The following CFAP161 variants were observed in gnomAD, a reference collection of about 807,000 sequenced individuals.
CFAP161 encodes cilia- and flagella-associated protein 161.
In CFAP161, 25 loss-of-function variants were observed where a neutral mutation model predicts 29.0. The observed-to-expected ratio is 0.86, with a 90% CI of 0.63 to 1.20. The LOEUF (loss-of-function observed/expected upper bound fraction) is 1.20. Ranked by LOEUF, CFAP161 falls within the 50% of genes most tolerant of loss-of-function variation. The probability of loss-of-function intolerance (pLI) is 0.00; values close to 1 mark genes in which losing one functional copy is unlikely to be tolerated. For synonymous variants in CFAP161, 116 were observed against 137.4 expected, an observed-to-expected ratio of 0.84 and a Z score of 1.09; for missense variants, 367 against 371.9, an observed-to-expected ratio of 0.99 and a Z score of 0.11.
chr15:81,116,340 C>T (rs1287357882), intron 1 of CFAP161, among the ~76,000 whole-genome samples: 1 of 152,214 alleles, frequency 6.6e-6, no homozygotes, highest in Admixed American at 6.5e-5. Flanking sequence ...GTTGCCCAGG[C>T]TGGAGTGCAG....
intron 1 of CFAP161, among the ~76,000 whole-genome samples, chr15:81,125,741 A>T (rs1484201637): frequency 1.3e-5 from 2 of 152,230 alleles, no homozygotes; most frequent in African/African-American, 4.8e-5. Context: ...AGCATACAAC[A>T]TGATAAATGT....
intron 1 of CFAP161, 99 bp from the exon 2 acceptor site, chr15:81,135,171 C>A: frequency 1.5e-6 from 1 of 675,536 alleles, no homozygotes; most frequent in African/African-American, 1.8e-5. Context: ...TTTTTGTACT[C>A]AAATTTTGCT....
chr15:81,143,549 A>G (rs1476949415), intron 4 of CFAP161, 113 bp from the exon 5 acceptor site: 1 of 1,194,356 alleles, frequency 8.4e-7, no homozygotes, highest in Non-Finnish European at 1.2e-6. Flanking sequence ...GTAAGAACAG[A>G]GTTTTTGAGA....
chr15:81,132,635 A>G (rs757394036), upstream of CFAP161, among the ~76,000 whole-genome samples: 1 of 152,240 alleles, frequency 6.6e-6, no homozygotes, highest in Non-Finnish European at 1.5e-5. Context: ...CAAAAATAGC[A>G]CTAAGGAAGT....
chr15:81,110,680 C>T (rs76653805), intron 1 of CFAP161, among the ~76,000 whole-genome samples: 5,629 of 152,164 alleles, frequency 0.037, 359 homozygotes, highest in African/African-American at 0.12. Context: ...AAATCTCTTC[C>T]GCTCTCAGGA....
Position 81,116,873 on chromosome 15 carries a change from A to T in CFAP161, c.-141-10717A>T, listed in dbSNP as rs199816838. The stretch of plus-strand genomic sequence containing the variant: ...GAATTCAGGGTCTAGTCTAGTCTAC[A>T]GGTAGATAATGAGAACTTGTAAACA... On this transcript the variant is annotated intron_variant, in intron 1 of 4. Transcript: ENST00000560091. Among the ~76,000 whole-genome samples, 17 of 152,370 alleles carry T rather than the reference A, an allele frequency of 1.1e-4. No homozygotes were observed. The East Asian group carries it at 3.1e-3, about 28-fold the overall frequency.
chr15:81,142,907 G>A (rs1287522606), intron 4 of CFAP161, among the ~76,000 whole-genome samples: 3 of 152,192 alleles, frequency 2.0e-5, no homozygotes, highest in Non-Finnish European at 4.4e-5. Flanking sequence ...TTCCAGAGGG[G>A]TGTGGGTCAC....
chr15:81,147,970 G>A (rs759067067), intron 6 of CFAP161, 39 bp downstream of exon 6: 11 of 1,499,356 alleles, frequency 7.3e-6, no homozygotes, highest in Non-Finnish European at 9.2e-6. Flanking sequence ...CTGTGATTGG[G>A]GCTGGGGGCC....
intron 1 of CFAP161, among the ~76,000 whole-genome samples, chr15:81,117,271 C>T (rs1355651041): frequency 1.3e-5 from 2 of 151,936 alleles, no homozygotes; most frequent in Non-Finnish European, 2.9e-5. Context: ...ATTTTATTTT[C>T]AAAGCTTTTT....
intron 1 of CFAP161, among the ~76,000 whole-genome samples, chr15:81,121,563 A>G (rs1441180819): frequency 1.3e-5 from 2 of 151,996 alleles, no homozygotes; most frequent in Admixed American, 6.6e-5. Flanking sequence ...ATATATATAT[A>G]TTAATTAGAA....
intron 1 of CFAP161, among the ~76,000 whole-genome samples, chr15:81,122,543 G>A (rs11852906): frequency 0.57 from 85,333 of 149,510 alleles, 25,614 homozygotes; most frequent in Non-Finnish European, 0.68. Flanking sequence ...CCAGGCTGGA[G>A]TGCAGTGGTA....
At chr15:81,107,734 A>G in intron 1 of CFAP161, among the ~76,000 whole-genome samples, 1 of 151,106 alleles carries the variant, frequency 6.6e-6, no homozygotes, top group East Asian at 1.9e-4. Context: ...TCAAATAAAT[A>G]AAATAAAATA....
intron 1 of CFAP161, among the ~76,000 whole-genome samples, chr15:81,134,645 G>A (rs1161961611): frequency 6.6e-6 from 1 of 152,126 alleles, no homozygotes; most frequent in Non-Finnish European, 1.5e-5. Context: ...GCCTCCCAAA[G>A]TCAGATGCCT....
chr15:81,127,583 T>C (rs987968014), intron 1 of CFAP161: 2 of 152,224 alleles, frequency 1.3e-5, no homozygotes, highest in Admixed American at 6.5e-5. Context: ...TTTCTTTTTT[T>C]ATTAAGGTGG....
intron 4 of CFAP161, among the ~76,000 whole-genome samples, chr15:81,141,812 G>A (rs1033533406): frequency 1.3e-5 from 2 of 151,642 alleles, no homozygotes; most frequent in South Asian, 2.1e-4. Flanking sequence ...AGCTTCCTGC[G>A]TAGCTGGGAT....
intron 1 of CFAP161, among the ~76,000 whole-genome samples, chr15:81,124,145 C>T (rs766612465): frequency 2.3e-4 from 35 of 152,140 alleles, no homozygotes; most frequent in Non-Finnish European, 4.9e-4. Flanking sequence ...TTCCAGTATT[C>T]CCCTTTCAGT....
chr15:81,136,437 G>A (rs1194587570), intron 2 of CFAP161, 79 bp from the exon 3 acceptor site: 17 of 1,307,786 alleles, frequency 1.3e-5, no homozygotes, highest in East Asian at 7.1e-5. Context: ...GTACTAGTCC[G>A]AGAAGGAAGA....
chr15:81,139,159 G>A (rs1030601267), intron 4 of CFAP161, among the ~76,000 whole-genome samples: 1 of 152,004 alleles, frequency 6.6e-6, no homozygotes, highest in African/African-American at 2.4e-5. Context: ...AAAAAAATTG[G>A]CCAGGTATGG....
chr15:81,143,895 A>T (rs914420852), intron 5 of CFAP161, 75 bp downstream of exon 5: 3 of 1,479,626 alleles, frequency 2.0e-6, no homozygotes, highest in Non-Finnish European at 2.7e-6. Flanking sequence ...TATAACACAC[A>T]GACTTATAGC....
Sources: gnomAD v4.1 joint callset for allele counts (sites outside exome capture counted in the v4.1 genomes callset) on GRCh38, gnomAD v4.1.1 for gene constraint, MANE v1.5 for transcripts, NCBI Gene and HGNC (gene_info 2026-07-23, HGNC 2026-07-21) for gene names.